Variants in IGFL2 observed in about 807,000 individuals in gnomAD.
The protein encoded by IGFL2 is insulin growth factor-like family member 2.
In IGFL2, 7 loss-of-function variants were observed where a neutral mutation model predicts 13.9. The ratio of observed to expected loss-of-function variants is 0.51; its 90% CI spans 0.29 to 0.95. The LOEUF (loss-of-function observed/expected upper bound fraction) is 0.95, where lower values mean the gene tolerates loss of function less well. IGFL2 is among the 40% of genes least tolerant of loss of function. IGFL2 has a pLI of 0.08. For missense variants in IGFL2, 138 were observed against 147.8 expected, an observed-to-expected ratio of 0.93 and a Z score of 0.34; for synonymous variants, 55 against 55.8, an observed-to-expected ratio of 0.99 and a Z score of 0.07.
chr19:46,170,899 A>C, the IGFL2 span, among the ~76,000 whole-genome samples: 11 of 152,268 alleles, frequency 7.2e-5, no homozygotes, highest in East Asian at 2.1e-3. Flanking sequence ...ATGAAACTTC[A>C]TTAGTGATTT....
downstream of IGFL2, among the ~76,000 whole-genome samples, chr19:46,163,404 C>T (rs1339901932): frequency 6.6e-6 from 1 of 152,180 alleles, no homozygotes; most frequent in East Asian, 1.9e-4. Flanking sequence ...TCAGCAGCCA[C>T]TCAGTGCAGT....
the IGFL2 span, among the ~76,000 whole-genome samples, chr19:46,108,280 G>A: frequency 6.6e-6 from 1 of 152,134 alleles, no homozygotes; most frequent in African/African-American, 2.4e-5. Flanking sequence ...AGAGACTAGG[G>A]AGGAACCGAG....
upstream of IGFL2, among the ~76,000 whole-genome samples, chr19:46,144,954 A>G (rs1286553335): frequency 6.6e-6 from 1 of 152,190 alleles, no homozygotes; most frequent in East Asian, 1.9e-4. Context: ...GTGTATGTAA[A>G]TAGTTCCTTG....
the IGFL2 span, among the ~76,000 whole-genome samples, chr19:46,196,552 C>G: frequency 2.0e-5 from 3 of 152,220 alleles, no homozygotes; most frequent in African/African-American, 4.8e-5. Context: ...ACGCTAGTCT[C>G]GGCTCAGCCC....
At chr19:46,096,248 C>G in the IGFL2 span, among the ~76,000 whole-genome samples, 3 of 151,880 alleles carry the variant, frequency 2.0e-5, no homozygotes, top group Non-Finnish European at 4.4e-5. Context: ...CCCTTGTTAG[C>G]TGTATTTCTA....
the IGFL2 span, among the ~76,000 whole-genome samples, chr19:46,082,015 C>T: frequency 6.6e-6 from 1 of 152,206 alleles, no homozygotes; most frequent in East Asian, 1.9e-4. Context: ...GGAGAATCCT[C>T]ACTTTCATTT....
the IGFL2 span, among the ~76,000 whole-genome samples, chr19:46,210,534 G>T: frequency 6.6e-6 from 1 of 152,172 alleles, no homozygotes; most frequent in Non-Finnish European, 1.5e-5. Context: ...TCTGCAAGCT[G>T]AGGAGCAAGG....
intron 3 of IGFL2, 62 bp downstream of exon 3, chr19:46,160,943 C>G: frequency 1.9e-6 from 3 of 1,587,528 alleles, no homozygotes; most frequent in Non-Finnish European, 2.6e-6. Flanking sequence ...GGAGGGGAGT[C>G]TAGATGTCTT....
the IGFL2 span, among the ~76,000 whole-genome samples, chr19:46,115,901 C>T: frequency 2.0e-5 from 3 of 152,078 alleles, no homozygotes; most frequent in Non-Finnish European, 4.4e-5. Context: ...CCAGTTCTGC[C>T]CATCTCAGGT....
At chr19:46,118,206 A>C in the IGFL2 span, among the ~76,000 whole-genome samples, 31,557 of 152,136 alleles carry the variant, frequency 0.21, 5,129 homozygotes, top group African/African-American at 0.45. Context: ...ACTTCTATAA[A>C]TTGGAATAGA....
chr19:46,167,764 CT>C, the IGFL2 span, among the ~76,000 whole-genome samples: 1 of 152,060 alleles, frequency 6.6e-6, no homozygotes, highest in Admixed American at 6.5e-5. Flanking sequence ...GATTGGTGTC[CT>C]TATAAGAAGA....
At position 46,160,847 on chromosome 19, in the gene IGFL2, T is replaced by C; in HGVS notation, c.307T>C (p.Cys103Arg). ...GAAGGTTCAGGGTGTGAATTCCCAG[T>C]GCCACTCATCTCCCATCTCCAGTAA... ...KLKVQGVNSQ[C>R]HSSPISSKCE... is the part of the protein sequence containing the mutation. The change falls in exon 3 of 4, where the codon TGC becomes CGC. Residue 103 changes from cysteine to arginine, a missense_variant. Coordinates refer to ENST00000377693, the MANE Select transcript of IGFL2 (RefSeq NM_001135113.2). 6.2e-7 allele frequency: 1 copy of C among 1,613,924 alleles called. No individual in the cohort carries two copies. The highest frequency in any genetic ancestry group is 1.7e-5 in the Admixed American group (1 of 60,022).
chr19:46,160,319 G>T, intron 1 of IGFL2, 96 bp from the exon 2 acceptor site: 2 of 1,065,550 alleles, frequency 1.9e-6, no homozygotes, highest in South Asian at 2.8e-5. Context: ...AGCTAATCTG[G>T]AACTAAGCCT....
chr19:46,106,735 A>G, the IGFL2 span, among the ~76,000 whole-genome samples: 2 of 152,170 alleles, frequency 1.3e-5, no homozygotes, highest in African/African-American at 4.8e-5. Flanking sequence ...TTAAGAGGCC[A>G]TGTTGTAACA....
At chr19:46,209,384 A>G in the IGFL2 span, 1 of 152,186 alleles carries the variant, frequency 6.6e-6, no homozygotes, top group Admixed American at 6.5e-5. Context: ...CTGGGGAAGA[A>G]CTAAGGCTCT....
chr19:46,131,130 T>G, the IGFL2 span, among the ~76,000 whole-genome samples: 1 of 152,232 alleles, frequency 6.6e-6, no homozygotes, highest in Non-Finnish European at 1.5e-5. Flanking sequence ...CTAATGAATG[T>G]CCTATTGAAT....
the IGFL2 span, among the ~76,000 whole-genome samples, chr19:46,100,969 C>A: frequency 6.6e-6 from 1 of 152,102 alleles, no homozygotes; most frequent in Non-Finnish European, 1.5e-5. Flanking sequence ...CAGTCAGGCC[C>A]CTCTTCTGTA....
chr19:46,167,335 G>A, the IGFL2 span, among the ~76,000 whole-genome samples: 1 of 152,148 alleles, frequency 6.6e-6, no homozygotes, highest in Admixed American at 6.5e-5. Flanking sequence ...GTGCAGGAGA[G>A]CCGCAGCCCC....
chr19:46,168,928 GTGTGTGTGTGTA>G, the IGFL2 span, among the ~76,000 whole-genome samples: 11 of 151,502 alleles, frequency 7.3e-5, no homozygotes, highest in African/African-American at 1.7e-4. Flanking sequence ...GTGTGTGTGT[GTGTGTGTGTGTA>G]TGTGTATGTG....
Sources: gnomAD v4.1 joint callset for allele counts (sites outside exome capture counted in the v4.1 genomes callset) on GRCh38, gnomAD v4.1.1 for gene constraint, MANE v1.5 for transcripts, NCBI Gene and HGNC (gene_info 2026-07-23, HGNC 2026-07-21) for gene names.